CYYR1: variants seen among roughly 807,000 people sequenced by gnomAD.
CYYR1 encodes the protein cysteine and tyrosine rich 1, also known as cysteine and tyrosine-rich protein 1.
CYYR1 carries 14 observed loss-of-function variants against 15.2 expected under a neutral mutation model. The observed-to-expected ratio is 0.92, with a 90% CI of 0.61 to 1.44. The LOEUF is 1.44. Ranked by LOEUF, CYYR1 falls within the 40% of genes most tolerant of loss-of-function variation. The pLI is 0.00. For missense variants in CYYR1, 228 were observed against 209.5 expected (o/e 1.09, Z -0.54); for synonymous variants, 80 against 77.4 (o/e 1.03, Z -0.18).
intron 1 of CYYR1, among the ~76,000 whole-genome samples, chr21:26,572,145 A>T (rs1344078747): frequency 1.3e-5 from 2 of 152,222 alleles, no homozygotes; most frequent in African/African-American, 4.8e-5. Context: ...TTTAGCTTGC[A>T]TTGTTTTGTG....
intron 2 of CYYR1, among the ~76,000 whole-genome samples, chr21:26,512,241 C>T (rs554490353): frequency 6.6e-6 from 1 of 152,104 alleles, no homozygotes; most frequent in South Asian, 2.1e-4. Flanking sequence ...CTCTGTCACT[C>T]AGGCTGGAGT....
intron 2 of CYYR1, among the ~76,000 whole-genome samples, chr21:26,536,871 G>T (rs1601805506): frequency 6.6e-6 from 1 of 152,058 alleles, no homozygotes; most frequent in South Asian, 2.1e-4. Context: ...TGCTAAATTT[G>T]CCTGTTCACT....
chr21:26,547,778 ACTTTTTTTTTTTTTT>A (rs1979076183), intron 2 of CYYR1, among the ~76,000 whole-genome samples: 1 of 66,072 alleles, frequency 1.5e-5, no homozygotes, highest in East Asian at 5.6e-4. Flanking sequence ...TTCTATTTCT[ACTTTTTTTTTTTTTT>A]CTTTTTTTGG....
chr21:26,501,219 T>G (rs1034743702), intron 2 of CYYR1, among the ~76,000 whole-genome samples: 2 of 152,152 alleles, frequency 1.3e-5, no homozygotes, highest in African/African-American at 2.4e-5. Flanking sequence ...ATGCCTGCAA[T>G]CCTAGCTACT....
intron 3 of CYYR1, among the ~76,000 whole-genome samples, chr21:26,476,161 G>C (rs1160363281): frequency 6.6e-6 from 1 of 152,094 alleles, no homozygotes; most frequent in Non-Finnish European, 1.5e-5. Context: ...AGACTTGAAA[G>C]ACTACAGGCC....
At chr21:26,531,979 C>A in intron 2 of CYYR1, among the ~76,000 whole-genome samples, 1 of 151,994 alleles carries the variant, frequency 6.6e-6, no homozygotes, top group East Asian at 1.9e-4. Flanking sequence ...GACACAACCT[C>A]TGGCCTGCAA....
intron 2 of CYYR1, among the ~76,000 whole-genome samples, chr21:26,504,581 G>T (rs373686812): frequency 2.1e-4 from 32 of 152,198 alleles, no homozygotes; most frequent in African/African-American, 7.7e-4. Flanking sequence ...TTTGATACAC[G>T]CATGCAATGT....
rs1012809431 is a variant in CYYR1 at position 26,466,473 on chromosome 21, G to T, written c.*2028C>A. 3.8e-4 allele frequency: 58 copies of T among 152,092 alleles called. No individual in the cohort carries two copies. The highest frequency in any genetic ancestry group is 1.3e-3 in the African/African-American group (55 of 41,440). The allele number at this position is 152,092 out of a possible 1,614,324, so 9.4% of individuals were successfully genotyped here. A position where few individuals can be genotyped will look rare whatever the true frequency, so the allele number is the denominator to read the frequency against. On this transcript the variant is annotated 3_prime_UTR_variant, in exon 4 of 4. Coordinates refer to ENST00000652641, the MANE Select transcript of CYYR1 (RefSeq NM_001320768.2). ...CTTATGGGTTTGTAAAATGCCTTAA[G>T]GGAGGCCATAAACAACTCAAAGAAG... is the stretch of plus-strand genomic sequence containing the variant.
chr21:26,512,247 G>A (rs954293640), intron 2 of CYYR1, among the ~76,000 whole-genome samples: 1 of 151,772 alleles, frequency 6.6e-6, no homozygotes. Context: ...CACTCAGGCT[G>A]GAGTGCAATG....
At chr21:26,481,900 C>T (rs1415770578) in intron 2 of CYYR1, among the ~76,000 whole-genome samples, 2 of 151,908 alleles carry the variant, frequency 1.3e-5, no homozygotes, top group Non-Finnish European at 1.5e-5. Context: ...TGAGGTAAAA[C>T]TGCATTTCTA....
chr21:26,571,631 G>T lies in CYYR1; in HGVS notation c.73+1237C>A, dbSNP rs996061483. The stretch of plus-strand genomic sequence containing the variant: ...AGTGAAAAGCATAATTACTTCGAAA[G>T]AACTAATAAAGAGATTTTTTCAATA... On this transcript the variant is annotated intron_variant, in intron 1 of 3. Coordinates refer to ENST00000652641, the MANE Select transcript of CYYR1 (RefSeq NM_001320768.2). Among the ~76,000 whole-genome samples, 4 of 152,188 alleles carry T rather than the reference G, an allele frequency of 2.6e-5. No homozygotes were observed. The East Asian group carries it at 7.7e-4, about 29-fold the overall frequency.
intron 2 of CYYR1, among the ~76,000 whole-genome samples, chr21:26,495,473 G>T (rs867384048): frequency 8.5e-5 from 13 of 152,114 alleles, no homozygotes; most frequent in Non-Finnish European, 1.0e-4. Context: ...GTAAAGTCAC[G>T]TTTACTTCCT....
intron 2 of CYYR1, among the ~76,000 whole-genome samples, chr21:26,490,783 A>G (rs1330343257): frequency 6.6e-6 from 1 of 152,202 alleles, no homozygotes; most frequent in Non-Finnish European, 1.5e-5. Context: ...CACGGAGCTG[A>G]GTAGATTGCA....
intron 2 of CYYR1, among the ~76,000 whole-genome samples, chr21:26,528,563 G>A (rs980142293): frequency 3.9e-5 from 6 of 152,128 alleles, no homozygotes; most frequent in Non-Finnish European, 8.8e-5. Context: ...CGTCAGAACC[G>A]GGTGCCAGTG....
At chr21:26,484,821 G>T (rs969791653) in intron 2 of CYYR1, among the ~76,000 whole-genome samples, 7 of 152,080 alleles carry the variant, frequency 4.6e-5, no homozygotes, top group Non-Finnish European at 1.0e-4. Flanking sequence ...CTTGTTGGCA[G>T]CTCCAGCAAA....
chr21:26,513,825 A>G (rs1359463649), intron 2 of CYYR1, among the ~76,000 whole-genome samples: 2 of 149,724 alleles, frequency 1.3e-5, no homozygotes, highest in Admixed American at 6.7e-5. Context: ...CAAAAAACCA[A>G]ACACCGCATG....
chr21:26,557,345 A>G lies in CYYR1; in HGVS notation c.176+8921T>C, dbSNP rs7281012. Among the ~76,000 whole-genome samples the G allele has an allele frequency of 4.4e-3, 665 of 152,288 alleles. 3 individuals are homozygous for G. Among genetic ancestry groups the G allele is most frequent in the African/African-American group, 0.015 (620 of 41,568 alleles). Reference sequence around the variant, plus strand: ...AGATATGAGGTAATCTGATTTGGAAACAATCCAAGTCAATAAAAATGGGCG... The same window carrying G: ...AGATATGAGGTAATCTGATTTGGAAGCAATCCAAGTCAATAAAAATGGGCG... On this transcript the variant is annotated intron_variant, in intron 2 of 3. Coordinates refer to ENST00000652641, the MANE Select transcript of CYYR1 (RefSeq NM_001320768.2).
chr21:26,513,445 G>A lies in CYYR1; in HGVS notation c.177-33016C>T, dbSNP rs567015071. Among the ~76,000 whole-genome samples the A allele has an allele frequency of 3.9e-5, 6 of 152,202 alleles. 1 individual carries two copies. The highest frequency in any genetic ancestry group is 2.1e-4 in the South Asian group (1 of 4,816). The stretch of plus-strand genomic sequence containing the variant: ...ACTTCCTTAGTTGCAGGGTCCAGGG[G>A]AAATTCCAGTGGTGTGGCAAAAGAT... On this transcript the variant is annotated intron_variant, in intron 2 of 3. Coordinates refer to ENST00000652641, the MANE Select transcript of CYYR1 (RefSeq NM_001320768.2).
chr21:26,487,972 GC>G (rs2065273670), intron 2 of CYYR1, among the ~76,000 whole-genome samples: 1 of 45,840 alleles, frequency 2.2e-5, no homozygotes, highest in Non-Finnish European at 5.9e-5. Flanking sequence ...TTTTTATTTT[GC>G]TTTTTTTTTT....
Sources: allele counts gnomAD v4.1 joint callset (sites outside exome capture counted in the v4.1 genomes callset), GRCh38; gene constraint gnomAD v4.1.1; transcripts MANE v1.5; gene names NCBI Gene and HGNC (gene_info 2026-07-23, HGNC 2026-07-21).